The following PSD3 variants were observed in gnomAD, a reference collection of about 807,000 sequenced individuals.
PSD3 encodes the protein PH and SEC7 domain-containing protein 3.
In PSD3, 49 loss-of-function variants were observed where a neutral mutation model predicts 105.5. The ratio of observed to expected loss-of-function variants is 0.46; its 90% CI spans 0.37 to 0.59. The LOEUF is 0.59. PSD3 is among the 20% of genes least tolerant of loss of function. The pLI, the probability that PSD3 is intolerant of heterozygous loss-of-function variation, is 0.00. For missense variants in PSD3, 1,561 were observed against 1,263.8 expected (o/e 1.24, Z -3.57); for synonymous variants, 557 against 457.8 (o/e 1.22, Z -2.77).
chr8:19,022,567 T>A (rs997552120), intron 1 of PSD3, among the ~76,000 whole-genome samples: 5 of 152,172 alleles, frequency 3.3e-5, no homozygotes, highest in Admixed American at 2.6e-4. Context: ...TGGTCAACCC[T>A]CTCACTCTAG....
rs1207878136 is a variant in PSD3, at chr8:18,688,571, G to T, written c.2173-32886C>A. On this transcript the variant is annotated intron_variant, in intron 9 of 15. Coordinates refer to ENST00000327040, the MANE Select transcript of PSD3 (RefSeq NM_015310.4). ...TGCAATCTTTTGCTACAATAATGATGCAGTGAATAATACCCCTGCAATGTA... is the reference window on the plus strand; with the variant it reads ...TGCAATCTTTTGCTACAATAATGATTCAGTGAATAATACCCCTGCAATGTA... 3.3e-5 allele frequency among the ~76,000 whole-genome samples: 5 copies of T among 152,306 alleles called. No homozygotes were observed. The East Asian group carries it at 5.8e-4, about 18-fold the overall frequency.
rs373506470 is a variant in PSD3 at position 18,845,358 on chromosome 8, G to A, written c.1634+22316C>T. 8.1e-4 allele frequency among the ~76,000 whole-genome samples: 124 copies of A among 152,264 alleles called. 2 individuals are homozygous for A. In the South Asian group the frequency reaches 0.024, roughly 30 times the overall value. On this transcript the variant is annotated intron_variant, in intron 4 of 15. Coordinates refer to ENST00000327040, the MANE Select transcript of PSD3 (RefSeq NM_015310.4). ...GGATGGGGTCCCCTAGGCCTTTGGCGGCTGCACTGTCCCACTCACATGGTC... is the reference window on the plus strand; with the variant it reads ...GGATGGGGTCCCCTAGGCCTTTGGCAGCTGCACTGTCCCACTCACATGGTC...
At chr8:18,798,939 A>G (rs1810432110) in intron 8 of PSD3, among the ~76,000 whole-genome samples, 2 of 152,212 alleles carry the variant, frequency 1.3e-5, no homozygotes, top group African/African-American at 4.8e-5. Flanking sequence ...CACAATTCAC[A>G]TTTTCAGATC....
At chr8:18,882,894 T>C (rs1818208307) in intron 2 of PSD3, among the ~76,000 whole-genome samples, 1 of 151,864 alleles carries the variant, frequency 6.6e-6, no homozygotes. Flanking sequence ...TATCCATATA[T>C]CTGTATAGTG....
At chr8:18,836,809 T>A (rs1814146180) in intron 4 of PSD3, among the ~76,000 whole-genome samples, 1 of 152,188 alleles carries the variant, frequency 6.6e-6, no homozygotes, top group African/African-American at 2.4e-5. Flanking sequence ...AAAAAAGGTC[T>A]GTGCATGTTT....
chr8:18,682,313 G>C (rs1390460103), intron 9 of PSD3, among the ~76,000 whole-genome samples: 1 of 152,182 alleles, frequency 6.6e-6, no homozygotes, highest in Non-Finnish European at 1.5e-5. Context: ...AAAATCCAGA[G>C]ACGTCTCTTA....
At chr8:18,650,262 C>G (rs529400906) in intron 10 of PSD3, among the ~76,000 whole-genome samples, 1 of 152,244 alleles carries the variant, frequency 6.6e-6, no homozygotes, top group South Asian at 2.1e-4. Context: ...CCCATATCCA[C>G]CTCAACTCAC....
chr8:18,638,827 CTG>C (rs1807448509), intron 10 of PSD3, among the ~76,000 whole-genome samples: 3 of 152,168 alleles, frequency 2.0e-5, no homozygotes, highest in South Asian at 2.1e-4. Flanking sequence ...AGTTTTTTGA[CTG>C]TAAAATATAA....
At chr8:18,812,744 G>T (rs888064978) in intron 4 of PSD3, among the ~76,000 whole-genome samples, 1 of 152,176 alleles carries the variant, frequency 6.6e-6, no homozygotes, top group Admixed American at 6.5e-5. Flanking sequence ...AGTAGGATGT[G>T]AGGACACGTG....
At chr8:18,552,372 A>T (rs1225992088) in intron 15 of PSD3, among the ~76,000 whole-genome samples, 1 of 152,220 alleles carries the variant, frequency 6.6e-6, no homozygotes, top group Non-Finnish European at 1.5e-5. Context: ...TCTTGAAATA[A>T]AAAGCGTCAT....
intron 15 of PSD3, among the ~76,000 whole-genome samples, chr8:18,553,048 C>A (rs899144573): frequency 1.6e-4 from 24 of 151,764 alleles, no homozygotes; most frequent in Non-Finnish European, 2.8e-4. Context: ...AAATTTGGCT[C>A]ACCATGAAGC....
chr8:18,933,147 C>T (rs747930343), intron 2 of PSD3, among the ~76,000 whole-genome samples: 11 of 152,218 alleles, frequency 7.2e-5, no homozygotes, highest in Non-Finnish European at 1.2e-4. Flanking sequence ...TACAGCATAA[C>T]ATCACACCAG....
intron 1 of PSD3, among the ~76,000 whole-genome samples, chr8:19,081,740 C>G (rs921722558): frequency 1.3e-5 from 2 of 152,106 alleles, no homozygotes; most frequent in African/African-American, 4.8e-5. Context: ...TACTATGGAG[C>G]CTGTGATGTT....
chr8:18,739,568 A>G (rs553914989), intron 9 of PSD3, among the ~76,000 whole-genome samples: 1 of 152,320 alleles, frequency 6.6e-6, no homozygotes, highest in African/African-American at 2.4e-5. Context: ...ATAGCTAAAG[A>G]TAACACATTC....
At chr8:18,940,588 T>A (rs1341350838) in intron 1 of PSD3, 1 of 152,224 alleles carries the variant, frequency 6.6e-6, no homozygotes, top group Non-Finnish European at 1.5e-5. Flanking sequence ...TGCATTTGTG[T>A]GGAGGCTAAA....
chr8:19,068,947 C>T (rs995812852), intron 1 of PSD3, among the ~76,000 whole-genome samples: 1 of 151,936 alleles, frequency 6.6e-6, no homozygotes, highest in African/African-American at 2.4e-5. Context: ...TTCTACCATG[C>T]CCTGTCACTG....
At chr8:18,852,670 G>C (rs76106315) in intron 4 of PSD3, among the ~76,000 whole-genome samples, 1 of 152,130 alleles carries the variant, frequency 6.6e-6, no homozygotes, top group Non-Finnish European at 1.5e-5. Flanking sequence ...TGACTGAGAC[G>C]AGAACAGAGG....
intron 4 of PSD3, among the ~76,000 whole-genome samples, chr8:18,813,135 G>A (rs17467958): frequency 0.13 from 19,934 of 152,152 alleles, 1,686 homozygotes; most frequent in East Asian, 0.26. Context: ...TGGAAGAACG[G>A]GATGAGTGGC....
rs1815614798 is a variant in PSD3 at position 18,851,987 on chromosome 8, C to T, written c.1634+15687G>A. 3.9e-5 allele frequency among the ~76,000 whole-genome samples: 6 copies of T among 152,320 alleles called. No homozygotes were observed. The South Asian group carries it at 1.2e-3, about 32-fold the overall frequency. On this transcript the variant is annotated intron_variant, in intron 4 of 15. Transcript: ENST00000327040. ...GGAAAGTGGTGAAGGCAAAAAGAAA[C>T]TGACATCAGGTGACGTAAACTAATC... is the stretch of plus-strand genomic sequence containing the variant.
Sources: allele counts gnomAD v4.1 joint callset (sites outside exome capture counted in the v4.1 genomes callset), GRCh38; gene constraint gnomAD v4.1.1; transcripts MANE v1.5; gene names NCBI Gene and HGNC (gene_info 2026-07-23, HGNC 2026-07-21).